Variants in ZNF469 observed in about 807,000 individuals in gnomAD.
The protein encoded by ZNF469 is zinc finger protein 469.
ZNF469 carries 1 observed loss-of-function variant against 1.0 expected under a neutral mutation model. That is an observed-to-expected ratio of 1.00 (90% CI 0.35 to 4.73). ZNF469 has a LOEUF of 4.73. ZNF469 is among the 30% of genes most tolerant of loss of function. The pLI is 0.16. For missense variants in ZNF469, 6,100 were observed against 5,356.3 expected, an observed-to-expected ratio of 1.14 and a Z score of -4.33; for synonymous variants, 2,703 against 2,363.4, an observed-to-expected ratio of 1.14 and a Z score of -4.17.
At chr16:88,116,132 C>T in the ZNF469 span, among the ~76,000 whole-genome samples, 3 of 152,292 alleles carry the variant, frequency 2.0e-5, no homozygotes, top group Middle Eastern at 3.4e-3. Context: ...AAAACTCAAC[C>T]GTGAAAAAAC....
At chr16:88,390,890 C>T (rs575909984) in intron 1 of ZNF469, among the ~76,000 whole-genome samples, 19 of 152,352 alleles carry the variant, frequency 1.2e-4, no homozygotes, top group Non-Finnish European at 1.8e-4. Flanking sequence ...TAGGCAAAGG[C>T]GCAGAGACAC....
chr16:88,351,604 C>G, the ZNF469 span, among the ~76,000 whole-genome samples: 1 of 152,100 alleles, frequency 6.6e-6, no homozygotes, highest in Non-Finnish European at 1.5e-5. Context: ...GGGCCGCCGA[C>G]GCTCCAATGA....
At chr16:88,231,166 G>A in the ZNF469 span, among the ~76,000 whole-genome samples, 1 of 152,158 alleles carries the variant, frequency 6.6e-6, no homozygotes, top group Admixed American at 6.5e-5. This position sits in a 1 kb window ranked among gnomAD's most constrained non-coding sequence, Gnocchi z 4.5. Flanking sequence ...GGCATTGCCT[G>A]GGGGACTTCC....
the ZNF469 span, among the ~76,000 whole-genome samples, chr16:88,183,761 C>G: frequency 6.6e-6 from 1 of 152,206 alleles, no homozygotes; most frequent in African/African-American, 2.4e-5. Flanking sequence ...CGCAATAAAC[C>G]TGACTTGTAA....
At chr16:88,192,883 ATGGTGG>A in the ZNF469 span, among the ~76,000 whole-genome samples, 1 of 139,468 alleles carries the variant, frequency 7.2e-6, no homozygotes, top group African/African-American at 2.7e-5. Flanking sequence ...GATGATGATG[ATGGTGG>A]TGGTGATGGT....
rs528207607 is a variant in ZNF469 at position 88,406,623 on chromosome 16, G to A, written c.-191-18184G>A. 1.3e-4 allele frequency among the ~76,000 whole-genome samples: 20 copies of A among 152,356 alleles called. No individual in the cohort carries two copies. In the South Asian group the frequency reaches 2.1e-3, roughly 16 times the overall value. ...AGGGTTCAACAGGGAGAGGAGAGGG[G>A]CAGCTGACCCCACGCGCCTGCAGCC... is the stretch of plus-strand genomic sequence containing the variant. On this transcript the variant is annotated intron_variant, in intron 1 of 2. Transcript: ENST00000565624.
upstream of ZNF469, among the ~76,000 whole-genome samples, chr16:88,380,062 C>T (rs1019147967): frequency 6.6e-6 from 1 of 151,900 alleles, no homozygotes; most frequent in Admixed American, 6.6e-5. Context: ...CACACACATA[C>T]TCACACACAG....
chr16:88,428,796 C>T lies in ZNF469; in HGVS notation c.1326C>T (p.Asp442=). 1 of 1,546,176 alleles carries T rather than the reference C, an allele frequency of 6.5e-7. No individual in the cohort carries two copies. The highest frequency in any genetic ancestry group is 1.2e-5 in the South Asian group (1 of 83,976). Residue 442 remains aspartate (D), a synonymous_variant, in exon 3 of 3, where the codon GAC becomes GAT. Transcript: ENST00000565624. ...PPPARLPQLW[D]PTAAPYPTPP... ...CCGCCAGGCTGCCCCAGCTGTGGGA[C>T]CCCACAGCAGCCCCTTACCCCACAC...
chr16:88,283,976 G>A, the ZNF469 span, among the ~76,000 whole-genome samples: 3 of 114,694 alleles, frequency 2.6e-5, 1 homozygote, highest in East Asian at 3.3e-4. Context: ...TGTGGAGGCT[G>A]GTAGACCCCG....
chr16:88,431,912 C>G lies in ZNF469; in HGVS notation c.4442C>G (p.Pro1481Arg), dbSNP rs984670601. 7 of 1,549,584 alleles carry G rather than the reference C, an allele frequency of 4.5e-6. No individual in the cohort carries two copies. The Admixed American group carries it at 7.8e-5, about 17-fold the overall frequency. Residue 1481 changes from proline to arginine, a missense_variant, in exon 3 of 3, where the codon CCG (proline) becomes CGG (arginine). Coordinates refer to ENST00000565624, the MANE Select transcript of ZNF469 (RefSeq NM_001367624.2). The part of the protein sequence containing the change: ...SLSANRDSGL[P>R]FACADPPQKT... The stretch of plus-strand genomic sequence containing the variant: ...TCTGCGAACAGGGACTCCGGTCTGC[C>G]GTTCGCATGTGCCGACCCTCCCCAG...
At chr16:88,262,569 A>T in the ZNF469 span, among the ~76,000 whole-genome samples, 1 of 152,126 alleles carries the variant, frequency 6.6e-6, no homozygotes, top group African/African-American at 2.4e-5. The surrounding 1 kb of genome is among the most constrained non-coding windows in gnomAD (Gnocchi z 4.3). Context: ...ACAGCCATGA[A>T]CTTGGCCACG....
the ZNF469 span, among the ~76,000 whole-genome samples, chr16:88,282,820 A>G: frequency 6.6e-6 from 1 of 152,156 alleles, no homozygotes; most frequent in African/African-American, 2.4e-5. Flanking sequence ...CTGCGGCTAT[A>G]AAAACTCCAC....
At chr16:88,147,127 G>C in the ZNF469 span, among the ~76,000 whole-genome samples, 1 of 152,100 alleles carries the variant, frequency 6.6e-6, no homozygotes, top group African/African-American at 2.4e-5. Context: ...GTCATCTCAA[G>C]TCCTTGGAAG....
rs1198974121 is a variant in ZNF469 at position 88,383,269 on chromosome 16, G to A, written c.-192+15G>A. Reference sequence around the variant, plus strand: ...TCGGAGCGGAGGTGAGTGCGGATGCGCCGCCTGGGCGCGCGCGGTGCCTGG... The same window carrying A: ...TCGGAGCGGAGGTGAGTGCGGATGCACCGCCTGGGCGCGCGCGGTGCCTGG... On this transcript the variant is annotated intron_variant, in intron 1 of 2. Transcript: ENST00000565624. 3.4e-5 allele frequency among the ~76,000 whole-genome samples: 5 copies of A among 147,110 alleles called. No individual in the cohort carries two copies. Among genetic ancestry groups the A allele is most frequent in the Non-Finnish European group, 7.6e-5 (5 of 66,056 alleles).
the ZNF469 span, among the ~76,000 whole-genome samples, chr16:88,366,040 C>T: frequency 6.6e-6 from 1 of 151,974 alleles, no homozygotes; most frequent in Non-Finnish European, 1.5e-5. Context: ...AGTTTACAAG[C>T]CCTGGTATAA....
At chr16:88,316,992 C>T in the ZNF469 span, among the ~76,000 whole-genome samples, 2 of 152,226 alleles carry the variant, frequency 1.3e-5, no homozygotes, top group South Asian at 4.1e-4. Context: ...CCTCGGCATT[C>T]TCCCTCCCAA....
the ZNF469 span, among the ~76,000 whole-genome samples, chr16:88,293,090 G>GTGGA: frequency 6.6e-6 from 1 of 152,314 alleles, no homozygotes; most frequent in South Asian, 2.1e-4. Flanking sequence ...TGGATGGTGG[G>GTGGA]TGGATGGATG....
At chr16:88,381,056 GCT>G (rs1269584616), upstream of ZNF469, among the ~76,000 whole-genome samples, 5 of 90,242 alleles carry the variant, frequency 5.5e-5, no homozygotes, top group African/African-American at 8.6e-5. Context: ...ACACAGACAC[GCT>G]CTCACACACA....
chr16:88,116,809 T>G, the ZNF469 span, among the ~76,000 whole-genome samples: 4 of 151,910 alleles, frequency 2.6e-5, no homozygotes, highest in South Asian at 8.3e-4. Flanking sequence ...TTGCCAGGGC[T>G]GGGGACTGTG....
Sources: allele counts gnomAD v4.1 joint callset (sites outside exome capture counted in the v4.1 genomes callset), GRCh38; gene constraint gnomAD v4.1.1; non-coding constraint Gnocchi (gnomAD v3.1); transcripts MANE v1.5; gene names NCBI Gene and HGNC (gene_info 2026-07-23, HGNC 2026-07-21).